PCDHA8: variants seen among roughly 807,000 people sequenced by gnomAD.
PCDHA8 encodes the protein protocadherin alpha-8.
A neutral mutation model predicts 61.8 loss-of-function variants in PCDHA8; 53 were observed. The ratio of observed to expected loss-of-function variants is 0.86; its 90% CI spans 0.69 to 1.08. PCDHA8 has a LOEUF of 1.08. Ranked by LOEUF, PCDHA8 falls within the 50% of genes least tolerant of loss-of-function variation. The pLI, the probability that PCDHA8 is intolerant of heterozygous loss-of-function variation, is 0.00. For missense variants in PCDHA8, 1,293 were observed against 1,245.0 expected (o/e 1.04, Z -0.58); for synonymous variants, 618 against 556.6 (o/e 1.11, Z -1.55).
chr5:140,860,192 C>CATATATATATATATATATATATATATAT (rs143984774), intron 1 of PCDHA8: 29 of 146,842 alleles, frequency 2.0e-4, no homozygotes, highest in South Asian at 1.3e-3. Context: ...GCTCTCCTTA[C>CATATATATATATATATATATATATATAT]ATATATATCT....
At chr5:140,865,675 A>G (rs564629506) in intron 1 of PCDHA8, 8 of 152,324 alleles carry the variant, frequency 5.3e-5, no homozygotes, top group African/African-American at 1.9e-4. Flanking sequence ...AACAATTTCT[A>G]AAGTACATAT....
At chr5:140,900,456 T>C (rs902615387) in intron 1 of PCDHA8, among the ~76,000 whole-genome samples, 3 of 152,210 alleles carry the variant, frequency 2.0e-5, no homozygotes, top group Non-Finnish European at 2.9e-5. Flanking sequence ...TTTTTATTTT[T>C]AGTAGACACG....
intron 1 of PCDHA8, chr5:140,929,268 AAT>A (rs782372972): frequency 7.4e-6 from 12 of 1,611,594 alleles, no homozygotes; most frequent in Non-Finnish European, 1.0e-5. Flanking sequence ...TGAATTTGCC[AAT>A]ATCCTGTATT....
At chr5:140,858,554 A>T in intron 1 of PCDHA8, 1 of 1,391,946 alleles carries the variant, frequency 7.2e-7, no homozygotes, top group Non-Finnish European at 9.9e-7. Flanking sequence ...TTTATGCTTG[A>T]ATATTTCTAG....
chr5:140,881,230 G>A (rs1467821983), intron 1 of PCDHA8: 2 of 301,850 alleles, frequency 6.6e-6, no homozygotes, highest in Non-Finnish European at 9.8e-6. Flanking sequence ...GAAAATTAAA[G>A]TCAATTTAAA....
Position 140,946,375 on chromosome 5 carries a change from G to A in PCDHA8, c.2395-32574G>A, listed in dbSNP as rs531638250. Among the ~76,000 whole-genome samples, 14 of 151,710 alleles carry A rather than the reference G, an allele frequency of 9.2e-5. No homozygotes were observed. In the South Asian group the frequency reaches 2.9e-3, roughly 32 times the overall value. On this transcript the variant is annotated intron_variant, in intron 1 of 3. Transcript: ENST00000531613. ...TGGAGAAAAGGGAACTCTTGCACACGGTTGGTAGGAATGTAAATTAGTACA... is the reference window on the plus strand; with the variant it reads ...TGGAGAAAAGGGAACTCTTGCACACAGTTGGTAGGAATGTAAATTAGTACA...
chr5:140,877,515 G>T (rs371100299), intron 1 of PCDHA8: 1 of 1,613,678 alleles, frequency 6.2e-7, no homozygotes, highest in African/African-American at 1.3e-5. Flanking sequence ...CGTCGTCGCG[G>T]GCCTCAGTGG....
rs1393236321 is a variant in PCDHA8 at position 140,843,306 on chromosome 5, C to T, written c.1985C>T (p.Thr662Met). 2 of 1,596,004 alleles carry T rather than the reference C, an allele frequency of 1.3e-6. No homozygotes were observed. The highest frequency in any genetic ancestry group is 1.7e-6 in the Non-Finnish European group (2 of 1,165,552). The change falls in exon 1 of 4, where the codon ACG (threonine) becomes ATG (methionine). Residue 662 changes from threonine to methionine, a missense_variant. Physicochemically the swap from Thr to Met is moderately conservative, Grantham distance 81 (BLOSUM62 -1). Transcript: ENST00000531613. Reference sequence around the variant, plus strand: ...CATGGTGAACCTGCGCTGACCGCCACGGCCACGGTTCTGGTGTCGCTGGTG... The same window carrying T: ...CATGGTGAACCTGCGCTGACCGCCATGGCCACGGTTCTGGTGTCGCTGGTG... ...KDHGEPALTATATVLVSLVES... is the reference protein window; with the variant it reads ...KDHGEPALTAMATVLVSLVES...
At chr5:140,912,385 C>A (rs1323082765) in intron 1 of PCDHA8, among the ~76,000 whole-genome samples, 6 of 148,114 alleles carry the variant, frequency 4.1e-5, no homozygotes, top group African/African-American at 1.5e-4. Context: ...GGATTGAGTT[C>A]TTAATTTGAT....
chr5:140,969,024 C>T, intron 1 of PCDHA8: 1 of 1,614,198 alleles, frequency 6.2e-7, no homozygotes, highest in Non-Finnish European at 8.5e-7. Flanking sequence ...GAAAGGTCCC[C>T]TGCAGAACTG....
intron 1 of PCDHA8, chr5:140,859,302 A>G (rs1280073821): frequency 4.7e-5 from 6 of 128,898 alleles, no homozygotes; most frequent in Non-Finnish European, 1.1e-4. Context: ...CTTTAGTATG[A>G]ATTAATATTA....
chr5:140,872,444 T>C (rs2053673560), intron 1 of PCDHA8, among the ~76,000 whole-genome samples: 2 of 152,002 alleles, frequency 1.3e-5, no homozygotes, highest in Admixed American at 1.3e-4. Flanking sequence ...CTGGACAACA[T>C]AGCGAGATCC....
intron 1 of PCDHA8, among the ~76,000 whole-genome samples, chr5:140,916,213 T>A (rs2077480691): frequency 6.6e-6 from 1 of 152,134 alleles, no homozygotes; most frequent in Non-Finnish European, 1.5e-5. Context: ...CTGGGGAAGA[T>A]CCAAATATGC....
intron 3 of PCDHA8, among the ~76,000 whole-genome samples, chr5:140,989,936 C>T (rs564429410): frequency 1.3e-5 from 2 of 152,104 alleles, no homozygotes; most frequent in Non-Finnish European, 2.9e-5. Flanking sequence ...AGATGACATT[C>T]CACGTTTTTC....
At chr5:140,945,768 T>C (rs1212479192) in intron 1 of PCDHA8, among the ~76,000 whole-genome samples, 3 of 152,062 alleles carry the variant, frequency 2.0e-5, no homozygotes, top group African/African-American at 7.2e-5. Flanking sequence ...GTGGGACAAT[T>C]TGATATCCAG....
At chr5:140,878,787 T>C (rs2057727241) in intron 1 of PCDHA8, among the ~76,000 whole-genome samples, 1 of 152,222 alleles carries the variant, frequency 6.6e-6, no homozygotes, top group Admixed American at 6.5e-5. Flanking sequence ...ATATGTTCAA[T>C]CACTTTTTAA....
chr5:140,908,256 A>G (rs192899359), intron 1 of PCDHA8, among the ~76,000 whole-genome samples: 9 of 152,248 alleles, frequency 5.9e-5, no homozygotes, highest in Non-Finnish European at 1.0e-4. Flanking sequence ...AACTGATCAT[A>G]GGGAACTCCC....
intron 3 of PCDHA8, among the ~76,000 whole-genome samples, chr5:141,007,768 A>C (rs1457934171): frequency 2.0e-5 from 3 of 152,212 alleles, no homozygotes; most frequent in Non-Finnish European, 2.9e-5. Context: ...ATTGGCCTGG[A>C]AATGGTACTG....
chr5:140,975,601 GA>G (rs781785883), intron 1 of PCDHA8, among the ~76,000 whole-genome samples: 1 of 152,192 alleles, frequency 6.6e-6, no homozygotes, highest in Non-Finnish European at 1.5e-5. Flanking sequence ...GCAATTTGTT[GA>G]TGTCTTCCAC....
Sources: gnomAD v4.1 joint callset for allele counts (sites outside exome capture counted in the v4.1 genomes callset) on GRCh38, gnomAD v4.1.1 for gene constraint, MANE v1.5 for transcripts, NCBI Gene and HGNC (gene_info 2026-07-23, HGNC 2026-07-21) for gene names.